Variants in PEBP4 observed in about 807,000 individuals in gnomAD.
The protein encoded by PEBP4 is phosphatidylethanolamine binding protein 4, also known as phosphatidylethanolamine-binding protein 4.
PEBP4 carries 22 observed loss-of-function variants against 23.9 expected under a neutral mutation model. That is an observed-to-expected ratio of 0.92 (90% CI 0.66 to 1.31). The LOEUF (loss-of-function observed/expected upper bound fraction) is 1.31, where lower values mean the gene tolerates loss of function less well. PEBP4 is among the 40% of genes most tolerant of loss of function. The pLI is 0.00. For missense variants in PEBP4, 324 were observed against 281.7 expected (o/e 1.15, Z -1.07); for synonymous variants, 112 against 99.3 (o/e 1.13, Z -0.76).
intron 4 of PEBP4, among the ~76,000 whole-genome samples, chr8:22,765,925 C>T (rs1199000009): frequency 6.7e-6 from 1 of 149,618 alleles, no homozygotes. Context: ...ACCTGTGGAT[C>T]ACCACCATTC....
At chr8:22,843,863 C>T (rs560523013) in intron 3 of PEBP4, among the ~76,000 whole-genome samples, 2 of 152,262 alleles carry the variant, frequency 1.3e-5, no homozygotes, top group African/African-American at 4.8e-5. Flanking sequence ...TGAGGCGATG[C>T]CCCTCCGCTC....
At chr8:22,815,036 G>A (rs1806709063) in intron 4 of PEBP4, 1 of 152,138 alleles carries the variant, frequency 6.6e-6, no homozygotes, top group East Asian at 1.9e-4. Context: ...TTGGGGTTAA[G>A]GGACGCGGAT....
intron 1 of PEBP4, among the ~76,000 whole-genome samples, chr8:22,938,882 G>A (rs546298170): frequency 3.0e-4 from 46 of 152,238 alleles, no homozygotes; most frequent in African/African-American, 1.1e-3. Flanking sequence ...TTAATAAATC[G>A]TTACATAAAT....
rs1805440197 is a variant in PEBP4 at position 22,758,633 on chromosome 8, GT to G, written c.358-31414del. On this transcript the variant is annotated intron_variant, in intron 4 of 6. Transcript: ENST00000256404. The stretch of plus-strand genomic sequence containing the variant: ...ACTCACTTGGCCTGCCCCGGAGTTA[GT>G]TTAATGGTCTGCCCTATGATTCTAA... 2.0e-5 allele frequency among the ~76,000 whole-genome samples: 3 copies of G among 152,198 alleles called. No individual in the cohort carries two copies. In the South Asian group the frequency reaches 6.2e-4, roughly 31 times the overall value.
chr8:22,873,558 G>A (rs1808055318), intron 3 of PEBP4, among the ~76,000 whole-genome samples: 1 of 152,146 alleles, frequency 6.6e-6, no homozygotes, highest in African/African-American at 2.4e-5. Context: ...CTTAAGGCCA[G>A]GTGTTCAAGG....
At chr8:22,937,974 A>T (rs946548527) in intron 1 of PEBP4, among the ~76,000 whole-genome samples, 4 of 152,242 alleles carry the variant, frequency 2.6e-5, no homozygotes, top group African/African-American at 9.6e-5. Flanking sequence ...CTGAAACCAC[A>T]AAACTCTTAG....
intron 4 of PEBP4, among the ~76,000 whole-genome samples, chr8:22,743,735 TGGA>T (rs1229980058): frequency 1.8e-4 from 28 of 152,206 alleles, no homozygotes; most frequent in Admixed American, 1.8e-3. Flanking sequence ...TTGTCACACA[TGGA>T]GGCCAGAAAG....
In PEBP4 at chr8:22,829,277, ACCC is replaced by A. The variant is rs1807033596; in HGVS notation, c.259-11545_259-11543del. Among the ~76,000 whole-genome samples the A allele has an allele frequency of 4.6e-5, 7 of 151,902 alleles. 1 individual carries two copies. The highest frequency in any genetic ancestry group is 4.6e-4 in the Admixed American group (7 of 15,270). The stretch of plus-strand genomic sequence containing the variant: ...TCACATCACAGAAGAGGTTGGCCCC[ACCC>A]TATATTTTTGGCTACCAGCTTCATT... On this transcript the variant is annotated intron_variant, in intron 3 of 6. Transcript: ENST00000256404.
chr8:22,803,795 C>T (rs915235116), intron 4 of PEBP4, among the ~76,000 whole-genome samples: 1 of 152,180 alleles, frequency 6.6e-6, no homozygotes, highest in African/African-American at 2.4e-5. Flanking sequence ...TAAAGGGCAC[C>T]GTTGTTCACT....
intron 4 of PEBP4, among the ~76,000 whole-genome samples, chr8:22,779,855 C>T (rs1177096769): frequency 2.0e-5 from 3 of 152,160 alleles, no homozygotes; most frequent in African/African-American, 7.2e-5. Flanking sequence ...GGCGACTTAG[C>T]TTGGACATGC....
intron 4 of PEBP4, among the ~76,000 whole-genome samples, chr8:22,747,249 GGTGATAATAA>G (rs776791468): frequency 6.6e-6 from 1 of 152,254 alleles, no homozygotes; most frequent in Non-Finnish European, 1.5e-5. Flanking sequence ...CAGAGCTGTG[GGTGATAATAA>G]GTGCTGGATT....
intron 3 of PEBP4, among the ~76,000 whole-genome samples, chr8:22,903,448 G>A (rs1031341744): frequency 2.6e-5 from 4 of 152,188 alleles, no homozygotes; most frequent in South Asian, 2.1e-4. Context: ...ATTGAAAGAC[G>A]AGGCATTTCT....
rs530384690 is a variant in PEBP4, at chr8:22,721,918, C to T, written c.517+2925G>A. ...TGAGTGTTTCAACATCGTGCAAGGA[C>T]CTGGGGTTTCTGCTTTTGCAATCGC... is the stretch of plus-strand genomic sequence containing the variant. On this transcript the variant is annotated intron_variant, in intron 6 of 6. Transcript: ENST00000256404. 1.2e-4 allele frequency among the ~76,000 whole-genome samples: 19 copies of T among 152,280 alleles called. No homozygotes were observed. The South Asian group carries it at 3.9e-3, about 32-fold the overall frequency.
intron 3 of PEBP4, among the ~76,000 whole-genome samples, chr8:22,852,814 A>G (rs986012743): frequency 6.6e-6 from 1 of 152,214 alleles, no homozygotes; most frequent in African/African-American, 2.4e-5. Context: ...AAAGACTAAA[A>G]GATGATGGCA....
chr8:22,906,220 GAC>G (rs1808809915), intron 3 of PEBP4, among the ~76,000 whole-genome samples: 1 of 152,196 alleles, frequency 6.6e-6, no homozygotes, highest in Admixed American at 6.5e-5. Flanking sequence ...GTTACCTTAA[GAC>G]ACTGTCCAGG....
At chr8:22,863,918 A>G (rs1037686343) in intron 3 of PEBP4, among the ~76,000 whole-genome samples, 3 of 152,114 alleles carry the variant, frequency 2.0e-5, no homozygotes, top group African/African-American at 7.2e-5. Context: ...TCTCCAAGAC[A>G]CTTCTCCATG....
chr8:22,925,854 C>T (rs1809316075), intron 2 of PEBP4, among the ~76,000 whole-genome samples: 1 of 152,222 alleles, frequency 6.6e-6, no homozygotes, highest in Admixed American at 6.5e-5. Context: ...AGAAGCCTGC[C>T]AGCCCCTCAG....
intron 4 of PEBP4, chr8:22,756,943 C>A (rs1272078677): frequency 6.6e-6 from 1 of 152,220 alleles, no homozygotes; most frequent in East Asian, 1.9e-4. Flanking sequence ...TGCCTCAGTT[C>A]TAATTTTTCT....
intron 4 of PEBP4, among the ~76,000 whole-genome samples, chr8:22,796,877 GCA>G (rs1806270925): frequency 3.3e-5 from 5 of 151,884 alleles, no homozygotes; most frequent in Admixed American, 3.3e-4. Context: ...TACACTGAAA[GCA>G]CAGACTTCAC....
Sources: allele counts gnomAD v4.1 joint callset (sites outside exome capture counted in the v4.1 genomes callset), GRCh38; gene constraint gnomAD v4.1.1; transcripts MANE v1.5; gene names NCBI Gene and HGNC (gene_info 2026-07-23, HGNC 2026-07-21).